Variants in TSPAN18 observed in about 807,000 individuals in gnomAD.
The protein encoded by TSPAN18 is tetraspanin 18.
TSPAN18 carries 14 observed loss-of-function variants against 27.3 expected under a neutral mutation model. The ratio of observed to expected loss-of-function variants is 0.51; its 90% CI spans 0.34 to 0.80. TSPAN18 has a LOEUF of 0.80. Ranked by LOEUF, TSPAN18 falls within the 30% of genes least tolerant of loss-of-function variation. TSPAN18 has a pLI of 0.01. For missense variants in TSPAN18, 268 were observed against 323.9 expected (o/e 0.83, Z 1.32); for synonymous variants, 143 against 136.5 (o/e 1.05, Z -0.33).
chr11:44,849,782 T>G (rs1348482168), intron 2 of TSPAN18, among the ~76,000 whole-genome samples: 1 of 152,152 alleles, frequency 6.6e-6, no homozygotes, highest in African/African-American at 2.4e-5. Flanking sequence ...CGATGCCCCT[T>G]CTGCCACTTC....
At chr11:44,802,622 C>G (rs1856507768) in intron 2 of TSPAN18, among the ~76,000 whole-genome samples, 1 of 151,386 alleles carries the variant, frequency 6.6e-6, no homozygotes, top group African/African-American at 2.4e-5. Context: ...CACACACACA[C>G]ACACACACAC....
At chr11:44,816,448 C>T (rs1856820413) in intron 2 of TSPAN18, among the ~76,000 whole-genome samples, 1 of 152,220 alleles carries the variant, frequency 6.6e-6, no homozygotes, top group African/African-American at 2.4e-5. Context: ...CACAGATGAA[C>T]ATCAGAGAAT....
rs1016327345 is a variant in TSPAN18, at chr11:44,893,444, T to C, written c.-10-12963T>C. Among the ~76,000 whole-genome samples the C allele has an allele frequency of 3.3e-5, 5 of 152,206 alleles. 1 individual carries two copies. Among genetic ancestry groups the C allele is most frequent in the African/African-American group, 1.2e-4 (5 of 41,460 alleles). On this transcript the variant is annotated intron_variant, in intron 3 of 9. Transcript: ENST00000520358. ...GGTGCCAGCACCAGGCACGCCAGGA[T>C]CTCAGGCCAATTGCTTGTTTATGAG...
At chr11:44,922,452 T>C (rs982273715) in intron 8 of TSPAN18, among the ~76,000 whole-genome samples, 7 of 152,008 alleles carry the variant, frequency 4.6e-5, no homozygotes, top group African/African-American at 9.7e-5. Context: ...GGCAGGCCCA[T>C]GGCAAGGATC....
At chr11:44,753,499 T>A (rs1438239051) in intron 1 of TSPAN18, among the ~76,000 whole-genome samples, 1 of 152,212 alleles carries the variant, frequency 6.6e-6, no homozygotes, top group Admixed American at 6.5e-5. Context: ...CCTCTGTGGG[T>A]GCCCCCAGCA....
chr11:44,784,033 T>C (rs1171177552), intron 2 of TSPAN18, among the ~76,000 whole-genome samples: 1 of 151,974 alleles, frequency 6.6e-6, no homozygotes, highest in Non-Finnish European at 1.5e-5. Context: ...GAGGGAGAGA[T>C]TGTAGTACAA....
chr11:44,796,624 C>A (rs942879344), intron 2 of TSPAN18, among the ~76,000 whole-genome samples: 1 of 152,094 alleles, frequency 6.6e-6, no homozygotes, highest in Non-Finnish European at 1.5e-5. Context: ...GACTACAGGT[C>A]TCCCCCTATC....
At chr11:44,728,678 T>G (rs1474859602) in intron 1 of TSPAN18, among the ~76,000 whole-genome samples, 2 of 152,190 alleles carry the variant, frequency 1.3e-5, no homozygotes, top group Non-Finnish European at 1.5e-5. Flanking sequence ...CAATTATTGG[T>G]GGAAATCTGC....
chr11:44,824,674 C>T (rs977714615), intron 2 of TSPAN18, among the ~76,000 whole-genome samples: 3 of 152,256 alleles, frequency 2.0e-5, no homozygotes, highest in Non-Finnish European at 2.9e-5. Context: ...GAGGCCGGCT[C>T]CTCACATCCC....
At chr11:44,896,409 A>G (rs560199658) in intron 3 of TSPAN18, among the ~76,000 whole-genome samples, 1 of 152,228 alleles carries the variant, frequency 6.6e-6, no homozygotes, top group East Asian at 1.9e-4. Flanking sequence ...TGATGGTGTG[A>G]TACCTACTTC....
At chr11:44,836,044 T>C (rs928078024) in intron 2 of TSPAN18, among the ~76,000 whole-genome samples, 63 of 152,148 alleles carry the variant, frequency 4.1e-4, no homozygotes, top group African/African-American at 1.4e-3. Context: ...ATAACAATAT[T>C]GAAATGAGGC....
At chr11:44,850,148 C>T (rs1857566964) in intron 2 of TSPAN18, among the ~76,000 whole-genome samples, 1 of 152,174 alleles carries the variant, frequency 6.6e-6, no homozygotes, top group Non-Finnish European at 1.5e-5. Context: ...CGCTCCTGCT[C>T]CCCAGGGCCC....
At chr11:44,821,733 C>G (rs1856932654) in intron 2 of TSPAN18, among the ~76,000 whole-genome samples, 1 of 152,136 alleles carries the variant, frequency 6.6e-6, no homozygotes, top group Admixed American at 6.5e-5. Flanking sequence ...CTTCTATATC[C>G]CTGACTACAA....
chr11:44,896,640 G>A (rs1280096469), intron 3 of TSPAN18, among the ~76,000 whole-genome samples: 1 of 152,026 alleles, frequency 6.6e-6, no homozygotes, highest in Non-Finnish European at 1.5e-5. Flanking sequence ...CTCTACCTCT[G>A]CACTCCCCCA....
intron 2 of TSPAN18, among the ~76,000 whole-genome samples, chr11:44,775,808 G>A (rs1855793664): frequency 6.6e-6 from 1 of 152,166 alleles, no homozygotes; most frequent in South Asian, 2.1e-4. Context: ...TCATTCCAAG[G>A]CAGCTTTCAG....
intron 3 of TSPAN18, among the ~76,000 whole-genome samples, chr11:44,894,641 A>G (rs1219112629): frequency 6.6e-6 from 1 of 152,228 alleles, no homozygotes; most frequent in East Asian, 1.9e-4. Flanking sequence ...CGCCGAGGAA[A>G]GCCCCGAGGC....
chr11:44,925,199 A>G (rs1860306553), intron 8 of TSPAN18, among the ~76,000 whole-genome samples: 2 of 152,232 alleles, frequency 1.3e-5, no homozygotes, highest in South Asian at 4.1e-4. Flanking sequence ...CCACAGCCTG[A>G]TCACTAGAAA....
chr11:44,855,757 A>G (rs1405615684), intron 2 of TSPAN18, among the ~76,000 whole-genome samples: 1 of 59,714 alleles, frequency 1.7e-5, no homozygotes, highest in Non-Finnish European at 3.6e-5. Context: ...CCACCCACCC[A>G]CCTTCCCCTG....
intron 8 of TSPAN18, among the ~76,000 whole-genome samples, chr11:44,920,477 T>C (rs1180473304): frequency 6.6e-6 from 1 of 152,118 alleles, no homozygotes; most frequent in Non-Finnish European, 1.5e-5. Context: ...GACTTCAGGT[T>C]CTCTTGCAAC....
Sources: gnomAD v4.1 joint callset for allele counts (sites outside exome capture counted in the v4.1 genomes callset) on GRCh38, gnomAD v4.1.1 for gene constraint, MANE v1.5 for transcripts, NCBI Gene and HGNC (gene_info 2026-07-23, HGNC 2026-07-21) for gene names.